Variants in MYT1L observed in about 807,000 individuals in gnomAD.
The protein encoded by MYT1L is myelin transcription factor 1-like protein.
MYT1L carries 12 observed loss-of-function variants against 126.7 expected under a neutral mutation model. The observed-to-expected ratio is 0.09, with a 90% confidence interval of 0.06 to 0.15. The LOEUF is 0.15. Ranked by LOEUF, MYT1L falls within the 10% of genes least tolerant of loss-of-function variation. The pLI is 1.00. For synonymous variants in MYT1L, 541 were observed against 604.2 expected (o/e 0.90, Z 1.53); for missense variants, 979 against 1,585.2 (o/e 0.62, Z 6.49).
At chr2:2,214,355 C>T (rs2093618885) in intron 2 of MYT1L, among the ~76,000 whole-genome samples, 1 of 151,598 alleles carries the variant, frequency 6.6e-6, no homozygotes. Context: ...AACATCAAAC[C>T]CACGGATCTA....
chr2:2,178,973 G>A (rs746440036), intron 2 of MYT1L, among the ~76,000 whole-genome samples: 11 of 152,164 alleles, frequency 7.2e-5, no homozygotes, highest in Non-Finnish European at 1.2e-4. Context: ...GGGAGAAGAC[G>A]TTTCCATGGG....
rs760211535 is a variant in MYT1L at position 1,917,359 on chromosome 2, C to A, written c.1484-20G>T. Reference sequence around the variant, plus strand: ...AGGGATCTAAAAGCGACAACAGGTGCCAAGAGAATAAATGTTTACCAATCA... The same window carrying A: ...AGGGATCTAAAAGCGACAACAGGTGACAAGAGAATAAATGTTTACCAATCA... On this transcript the variant is annotated intron_variant, in intron 10 of 24. Transcript: ENST00000647738. This position sits in a 1 kb window ranked among gnomAD's most constrained non-coding sequence, Gnocchi z 5.9. 2 of 1,586,542 alleles carry A rather than the reference C, an allele frequency of 1.3e-6. No individual in the cohort carries two copies. Among genetic ancestry groups the A allele is most frequent in the Non-Finnish European group, 8.6e-7 (1 of 1,162,398 alleles).
intron 14 of MYT1L, among the ~76,000 whole-genome samples, chr2:1,894,336 G>C (rs915096325): frequency 2.0e-5 from 3 of 152,192 alleles, no homozygotes; most frequent in Non-Finnish European, 4.4e-5. Flanking sequence ...CCGTGGGGCT[G>C]CAAAGGAGTC....
intron 5 of MYT1L, among the ~76,000 whole-genome samples, chr2:1,987,999 T>C (rs968165443): frequency 6.6e-6 from 1 of 152,196 alleles, no homozygotes; most frequent in African/African-American, 2.4e-5. Flanking sequence ...GCTCTTGGAG[T>C]AATTTGTTCT....
In MYT1L at chr2:1,956,618, A is replaced by ACC. The variant is rs879814502; in HGVS notation, c.153-13285_153-13284insGG. 6.4e-3 allele frequency among the ~76,000 whole-genome samples: 939 copies of ACC among 146,698 alleles called. 10 individuals carry two copies. The highest frequency in any genetic ancestry group is 0.015 in the Admixed American group (225 of 14,938). ...TATCTATCTATCTATCTATCTATCTATCTACCTACCTACCTATCTAGCTAT... is the reference window on the plus strand; with the variant it reads ...TATCTATCTATCTATCTATCTATCTACCTCTACCTACCTACCTATCTAGCTAT... On this transcript the variant is annotated intron_variant, in intron 8 of 24. Transcript: ENST00000647738.
chr2:2,223,598 G>A (rs527486272), intron 2 of MYT1L, among the ~76,000 whole-genome samples: 4 of 152,240 alleles, frequency 2.6e-5, no homozygotes, highest in African/African-American at 9.6e-5. Context: ...TTTAATTTTT[G>A]AATAATTTTC....
chr2:2,241,769 G>A (rs2094445073), intron 2 of MYT1L, among the ~76,000 whole-genome samples: 1 of 152,194 alleles, frequency 6.6e-6, no homozygotes, highest in Non-Finnish European at 1.5e-5. Context: ...AAGGAAGGAT[G>A]TTCTGACCCA....
chr2:2,251,855 G>A (rs1369658010), intron 2 of MYT1L, among the ~76,000 whole-genome samples: 2 of 149,710 alleles, frequency 1.3e-5, no homozygotes, highest in Non-Finnish European at 1.5e-5. Flanking sequence ...GGAAGGAAGG[G>A]AGGGAGGAGG....
chr2:2,313,617 G>A (rs1025845004), intron 1 of MYT1L, among the ~76,000 whole-genome samples: 2 of 152,014 alleles, frequency 1.3e-5, no homozygotes, highest in Non-Finnish European at 2.9e-5. Context: ...ACAGGAAATG[G>A]GGGATGAATT....
intron 3 of MYT1L, among the ~76,000 whole-genome samples, chr2:2,081,389 C>T (rs1558950303): frequency 6.6e-6 from 1 of 152,164 alleles, no homozygotes; most frequent in African/African-American, 2.4e-5. Flanking sequence ...TTGGCAAATG[C>T]ACCTCCCTGA....
intron 2 of MYT1L, among the ~76,000 whole-genome samples, chr2:2,265,121 G>A (rs558959068): frequency 4.0e-5 from 6 of 151,158 alleles, no homozygotes; most frequent in Non-Finnish European, 8.8e-5. Context: ...TTTGCCTCCT[G>A]GGTTCAAGAA....
chr2:2,186,100 T>C lies in MYT1L; in HGVS notation c.-420-13112A>G, dbSNP rs2092145127. On this transcript the variant is annotated intron_variant, in intron 2 of 24. Transcript: ENST00000647738. ...TCCGTGAGGGGGACGCAGCCAGGCC[T>C]TCCGGGCCTTCCGGAGTCCCGCGTT... is the stretch of plus-strand genomic sequence containing the variant. Among the ~76,000 whole-genome samples, 2 of 132,546 alleles carry C rather than the reference T, an allele frequency of 1.5e-5. 1 individual carries two copies. The highest frequency in any genetic ancestry group is 3.1e-5 in the Non-Finnish European group (2 of 63,634). 87.0% of individuals were successfully genotyped at this position (132,546 alleles called of 152,430 possible).
rs1347841050 is a variant in MYT1L at position 1,910,939 on chromosome 2, G to A, written c.1710-592C>T. Among the ~76,000 whole-genome samples, 5 of 152,242 alleles carry A rather than the reference G, an allele frequency of 3.3e-5. No individual in the cohort carries two copies. Among genetic ancestry groups the A allele is most frequent in the Admixed American group, 3.3e-4 (5 of 15,286 alleles). On this transcript the variant is annotated intron_variant, in intron 12 of 24. Coordinates refer to ENST00000647738, the MANE Select transcript of MYT1L (RefSeq NM_001303052.2). The surrounding 1 kb of genome is among the most constrained non-coding windows in gnomAD (Gnocchi z 4.8). The stretch of plus-strand genomic sequence containing the variant: ...GTTCAGGCTTAGTCTAGACGGAGGA[G>A]ACAGCAGCTGGGCTCTTTTGTGTGC...
At chr2:1,916,551 C>A (rs1002869553) in intron 11 of MYT1L, among the ~76,000 whole-genome samples, 2 of 152,194 alleles carry the variant, frequency 1.3e-5, no homozygotes, top group African/African-American at 4.8e-5. Flanking sequence ...AGATGTATAT[C>A]ATTTCAATTC....
intron 4 of MYT1L, among the ~76,000 whole-genome samples, chr2:2,038,015 C>A (rs988869337): frequency 6.6e-6 from 1 of 152,146 alleles, no homozygotes; most frequent in African/African-American, 2.4e-5. Context: ...GTTATAAACT[C>A]TTTGAGAGGA....
intron 2 of MYT1L, among the ~76,000 whole-genome samples, chr2:2,200,753 G>C (rs971253136): frequency 6.6e-6 from 1 of 152,192 alleles, no homozygotes; most frequent in Admixed American, 6.5e-5. Flanking sequence ...TCGAATGCCA[G>C]CAATGGCTGA....
intron 8 of MYT1L, among the ~76,000 whole-genome samples, chr2:1,950,332 G>A (rs141036298): frequency 9.9e-4 from 150 of 152,264 alleles, no homozygotes; most frequent in African/African-American, 3.4e-3. Context: ...ATAGTAAGAA[G>A]GTGCCACATA....
intron 1 of MYT1L, chr2:2,324,321 T>A (rs915545060): frequency 3.3e-5 from 5 of 152,258 alleles, no homozygotes; most frequent in Non-Finnish European, 5.9e-5. Flanking sequence ...CCTTCCATCT[T>A]AGGGACTCAC....
chr2:2,136,415 C>A (rs1289499314), intron 3 of MYT1L, among the ~76,000 whole-genome samples: 3 of 152,162 alleles, frequency 2.0e-5, no homozygotes, highest in Admixed American at 2.0e-4. Flanking sequence ...CAAACCAAGG[C>A]TGAGAATCTT....
Sources: allele counts gnomAD v4.1 joint callset (sites outside exome capture counted in the v4.1 genomes callset), GRCh38; gene constraint gnomAD v4.1.1; non-coding constraint Gnocchi (gnomAD v3.1); transcripts MANE v1.5; gene names NCBI Gene and HGNC (gene_info 2026-07-23, HGNC 2026-07-21).